The following BRSK2 variants were observed in gnomAD, a reference collection of about 807,000 sequenced individuals.
BRSK2 encodes the protein BR serine/threonine kinase 2, also known as serine/threonine-protein kinase BRSK2.
A neutral mutation model predicts 83.3 loss-of-function variants in BRSK2; 19 were observed. The ratio of observed to expected loss-of-function variants is 0.23; its 90% CI spans 0.16 to 0.33. The LOEUF is 0.33. Ranked by LOEUF, BRSK2 falls within the 10% of genes least tolerant of loss-of-function variation. The probability of loss-of-function intolerance (pLI) is 1.00; values close to 1 mark genes in which losing one functional copy is unlikely to be tolerated. For missense variants in BRSK2, 798 were observed against 1,042.3 expected, an observed-to-expected ratio of 0.77 and a Z score of 3.23; for synonymous variants, 519 against 435.4, an observed-to-expected ratio of 1.19 and a Z score of -2.39.
Position 1,461,148 on chromosome 11 carries a change from G to C in BRSK2, c.*425G>C. 8.8e-7 allele frequency: 1 copy of C among 1,136,418 alleles called. No individual in the cohort carries two copies. Among genetic ancestry groups the C allele is most frequent in the Non-Finnish European group, 1.2e-6 (1 of 823,686 alleles). 70.4% of individuals were successfully genotyped at this position (1,136,418 alleles called of 1,614,324 possible). A position where few individuals can be genotyped will look rare whatever the true frequency, so the allele number is the denominator to read the frequency against. On this transcript the variant is annotated 3_prime_UTR_variant, in exon 20 of 20. Transcript: ENST00000528841. ...CCTCAGCTCCGCACGGCCCGTGGGA[G>C]GAAGGCCAGGCTCGGGGGAGCCTCC... is the stretch of plus-strand genomic sequence containing the variant.
chr11:1,451,927 G>T (rs552786694), intron 15 of BRSK2, among the ~76,000 whole-genome samples: 78 of 152,172 alleles, frequency 5.1e-4, no homozygotes, highest in African/African-American at 1.8e-3. Flanking sequence ...CCTGGGGGCC[G>T]CTGTGACTGG....
intron 1 of BRSK2, chr11:1,411,724 G>T: frequency 6.6e-7 from 1 of 1,505,940 alleles, no homozygotes; most frequent in East Asian, 2.5e-5. Context: ...AGGGACGGGG[G>T]ACCTCGCCAG....
chr11:1,444,166 G>A (rs1224694548), intron 8 of BRSK2, among the ~76,000 whole-genome samples: 1 of 152,098 alleles, frequency 6.6e-6, no homozygotes, highest in Non-Finnish European at 1.5e-5. Flanking sequence ...TCCCCATCAC[G>A]GCCATCCTGC....
Position 1,408,898 on chromosome 11 carries a change from G to T in BRSK2, c.91+18523G>T, listed in dbSNP as rs1252728963. Among the ~76,000 whole-genome samples, 14 of 150,910 alleles carry T rather than the reference G, an allele frequency of 9.3e-5. 1 individual carries two copies. Among genetic ancestry groups the T allele is most frequent in the Admixed American group, 8.6e-4 (13 of 15,190 alleles). On this transcript the variant is annotated intron_variant, in intron 1 of 19. Transcript: ENST00000528841. ...GGGTGTGTATGTCTGCCTTATGGAG[G>T]TTTATGTGTGTCTGCCTGTGCAAGG...
rs191358408 is a variant in BRSK2, at chr11:1,456,671, G to C, written c.1923G>C (p.Ala641=). 3.7e-6 allele frequency: 6 copies of C among 1,606,552 alleles called. No individual in the cohort carries two copies. In the East Asian group the frequency reaches 9.0e-5, roughly 24 times the overall value. Residue 641 remains alanine (A), a synonymous_variant, in exon 18 of 20, where the codon GCG becomes GCC. Coordinates refer to ENST00000528841, the MANE Select transcript of BRSK2 (RefSeq NM_001256627.2). Reference sequence around the variant, plus strand: ...TGCTGAGCACACACGACCCGCCTGCGGCCCAGCACTTGTCAGGTGAGGCGG... The same window carrying C: ...TGCTGAGCACACACGACCCGCCTGCCGCCCAGCACTTGTCAGGTGAGGCGG... ...AQLLSTHDPP[A]AQHLSDTTNC...
At chr11:1,419,786 G>A (rs994160949) in intron 1 of BRSK2, among the ~76,000 whole-genome samples, 12 of 152,220 alleles carry the variant, frequency 7.9e-5, no homozygotes, top group Non-Finnish European at 1.0e-4. Context: ...GGTGGCATGC[G>A]CCTGTAATCC....
chr11:1,446,066 G>GGA (rs200062166), intron 12 of BRSK2, among the ~76,000 whole-genome samples, 159 bp downstream of exon 12: 3,026 of 144,288 alleles, frequency 0.021, 75 homozygotes, highest in African/African-American at 0.06. Flanking sequence ...GGCTGGGCTG[G>GGA]GCTTGGCTGG....
In BRSK2 at chr11:1,445,868, C is replaced by T; in HGVS notation, c.1187C>T (p.Pro396Leu). Residue 396 changes from proline to leucine, a missense_variant, in exon 12 of 20, where the codon CCT (proline) becomes CTT (leucine). Pro to Leu is a moderately conservative substitution (Grantham distance 98, BLOSUM62 -3). Coordinates refer to ENST00000528841, the MANE Select transcript of BRSK2 (RefSeq NM_001256627.2). The part of the protein sequence containing the change: ...LSVTDGGSPV[P>L]ARRAIEMAQH... ...GTGACGGACGGCGGCTCCCCGGTGC[C>T]TGCGCGGCGGGCCATTGAGATGGCC... The T allele has an allele frequency of 6.2e-7, 1 of 1,611,866 alleles. No homozygotes were observed. Among genetic ancestry groups the T allele is most frequent in the Non-Finnish European group, 8.5e-7 (1 of 1,179,410 alleles).
intron 1 of BRSK2, among the ~76,000 whole-genome samples, chr11:1,424,081 G>A (rs147288600): frequency 2.0e-5 from 3 of 152,326 alleles, no homozygotes; most frequent in African/African-American, 7.2e-5. Flanking sequence ...TCACATTCAT[G>A]CGCCCCAGGC....
chr11:1,411,745 C>A, intron 1 of BRSK2: 1 of 1,430,564 alleles, frequency 7.0e-7, no homozygotes, highest in Non-Finnish European at 9.4e-7. Flanking sequence ...CACTGGTGGG[C>A]TGCACCTGCT....
rs1040794590 is a variant in BRSK2 at position 1,460,888 on chromosome 11, C to T, written c.*165C>T. ...CGTTGGGGCCGGCCTGTGGGCTGCG[C>T]CACCCGCGCCCGCTCTCTTTTCTCT... On this transcript the variant is annotated 3_prime_UTR_variant, in exon 20 of 20. Coordinates refer to ENST00000528841, the MANE Select transcript of BRSK2 (RefSeq NM_001256627.2). 13 of 1,599,686 alleles carry T rather than the reference C, an allele frequency of 8.1e-6. No homozygotes were observed. The East Asian group carries it at 2.5e-4, about 30-fold the overall frequency.
intron 1 of BRSK2, among the ~76,000 whole-genome samples, chr11:1,420,451 C>T (rs1848540451): frequency 6.6e-6 from 1 of 152,228 alleles, no homozygotes; most frequent in Admixed American, 6.5e-5. Flanking sequence ...GGCCCAGGCC[C>T]ACCCCCTGCC....
In BRSK2 at chr11:1,450,664, C is replaced by A. The variant is rs1351391456; in HGVS notation, c.1365C>A (p.Ser455Arg). Residue 455 changes from serine (S) to arginine (R), a missense_variant, in exon 14 of 20, where the codon AGC becomes AGA. By Grantham distance (110) the Ser-to-Arg change is moderately radical. This residue lies in a region of BRSK2 where 455 missense variants were observed against 455.2 expected (regional missense o/e 1.00). Transcript: ENST00000528841. ...CACCTGTCCACACGCCAAAGGAGAG[C>A]CCGGCTGGCACGCCCAACCCCACGC... ...KGTPVHTPKESPAGTPNPTPP... is the reference protein window; with the variant it reads ...KGTPVHTPKERPAGTPNPTPP... The A allele has an allele frequency of 1.2e-6, 2 of 1,609,336 alleles. No individual in the cohort carries two copies. Among genetic ancestry groups the A allele is most frequent in the Non-Finnish European group, 1.7e-6 (2 of 1,178,742 alleles).
intron 1 of BRSK2, among the ~76,000 whole-genome samples, chr11:1,416,250 G>A (rs1411055383): frequency 2.6e-5 from 4 of 152,182 alleles, no homozygotes; most frequent in Non-Finnish European, 4.4e-5. Flanking sequence ...TCCTGAGGCT[G>A]GGGGGTCTCG....
chr11:1,416,257 C>G (rs527430426), intron 1 of BRSK2, among the ~76,000 whole-genome samples: 2 of 152,326 alleles, frequency 1.3e-5, no homozygotes, highest in South Asian at 4.1e-4. Context: ...GCTGGGGGGT[C>G]TCGTGGGCAC....
chr11:1,449,897 G>A, intron 13 of BRSK2, 61 bp downstream of exon 13: 1 of 1,358,084 alleles, frequency 7.4e-7, no homozygotes, highest in South Asian at 1.2e-5. Flanking sequence ...CTCCCAGTCA[G>A]CGTGTGCCAG....
intron 1 of BRSK2, chr11:1,410,953 T>G (rs903723088): frequency 2.0e-5 from 20 of 986,928 alleles, no homozygotes; most frequent in Non-Finnish European, 2.4e-5. Context: ...CTGGCTGGGG[T>G]GGGGGCTCCA....
chr11:1,426,710 C>T (rs577209531), intron 1 of BRSK2, among the ~76,000 whole-genome samples: 32 of 152,132 alleles, frequency 2.1e-4, no homozygotes, highest in East Asian at 7.8e-4. Context: ...TTGCTGGCAA[C>T]GGGGGTGGGG....
intron 1 of BRSK2, among the ~76,000 whole-genome samples, chr11:1,420,337 C>T (rs1162974613): frequency 4.6e-5 from 7 of 152,198 alleles, no homozygotes; most frequent in Non-Finnish European, 5.9e-5. Context: ...AACCTGTGCA[C>T]GCCCTTGGCA....
Sources: gnomAD v4.1 joint callset for allele counts (sites outside exome capture counted in the v4.1 genomes callset) on GRCh38, gnomAD v4.1.1 for gene constraint, gnomAD v4.1.1 regional missense constraint, MANE v1.5 for transcripts, NCBI Gene and HGNC (gene_info 2026-07-23, HGNC 2026-07-21) for gene names.